The following PCDHGA6 variants were observed in gnomAD, a reference collection of about 807,000 sequenced individuals.
PCDHGA6 encodes protocadherin gamma subfamily A, 6, also known as protocadherin gamma-A6.
PCDHGA6 carries 41 observed loss-of-function variants against 60.6 expected under a neutral mutation model. The observed-to-expected ratio is 0.68, with a 90% confidence interval of 0.53 to 0.88. The LOEUF is 0.88. Ranked by LOEUF, PCDHGA6 falls within the 40% of genes least tolerant of loss-of-function variation. The pLI, the probability that PCDHGA6 is intolerant of heterozygous loss-of-function variation, is 0.00. For missense variants in PCDHGA6, 1,312 were observed against 1,203.0 expected (o/e 1.09, Z -1.34); for synonymous variants, 594 against 524.4 (o/e 1.13, Z -1.81).
At position 141,491,381 on chromosome 5, in the gene PCDHGA6, C is replaced by CT. The variant is rs1554177905; in HGVS notation, c.2425-3426_2425-3425insT. The CT allele has an allele frequency of 2.8e-5, 45 of 1,614,068 alleles. No individual in the cohort carries two copies. Among genetic ancestry groups the CT allele is most frequent in the Non-Finnish European group, 3.5e-5 (41 of 1,179,950 alleles). On this transcript the variant is annotated intron_variant, in intron 1 of 3. Coordinates refer to ENST00000517434, the MANE Select transcript of PCDHGA6 (RefSeq NM_018919.3). This position sits in a 1 kb window ranked among gnomAD's most constrained non-coding sequence, Gnocchi z 6.9. ...CTAGTCACCTTCACCTTTCTGTCAG[C>CT]GAAGTGCCTTCAGGGAAACGCAGAC...
At chr5:141,500,453 C>G (rs1403599390) in intron 2 of PCDHGA6, among the ~76,000 whole-genome samples, 1 of 152,246 alleles carries the variant, frequency 6.6e-6, no homozygotes, top group African/African-American at 2.4e-5. Flanking sequence ...TCGTGATCCG[C>G]CCGCCTCGGC....
intron 2 of PCDHGA6, among the ~76,000 whole-genome samples, chr5:141,499,983 C>T (rs765029745): frequency 5.3e-5 from 8 of 151,352 alleles, no homozygotes; most frequent in African/African-American, 9.7e-5. Context: ...CCACCTTGCC[C>T]GGCCAGATGA....
rs752954707 is a variant in PCDHGA6 at position 141,476,801 on chromosome 5, C to T, written c.2425-18006C>T. The T allele has an allele frequency of 6.2e-7, 1 of 1,613,586 alleles. No individual in the cohort carries two copies. Among genetic ancestry groups the T allele is most frequent in the Non-Finnish European group, 8.5e-7 (1 of 1,180,020 alleles). On this transcript the variant is annotated intron_variant, in intron 1 of 3. Coordinates refer to ENST00000517434, the MANE Select transcript of PCDHGA6 (RefSeq NM_018919.3). This position sits in a 1 kb window ranked among gnomAD's most constrained non-coding sequence, Gnocchi z 7.6. Reference sequence around the variant, plus strand: ...GACCCCAGCTCTCTCCGCCAGCCTGCCTATTCACATCAAGGTGCTGGACGC... The same window carrying T: ...GACCCCAGCTCTCTCCGCCAGCCTGTCTATTCACATCAAGGTGCTGGACGC...
At chr5:141,492,578 G>A (rs1380328678) in intron 1 of PCDHGA6, among the ~76,000 whole-genome samples, 1 of 152,216 alleles carries the variant, frequency 6.6e-6, no homozygotes, top group Non-Finnish European at 1.5e-5. Flanking sequence ...CGAGGCGCGG[G>A]GCCAGGAGCG....
intron 1 of PCDHGA6, among the ~76,000 whole-genome samples, chr5:141,446,453 A>T (rs2098502702): frequency 6.6e-6 from 1 of 151,946 alleles, no homozygotes; most frequent in Non-Finnish European, 1.5e-5. Context: ...GCAGATATTC[A>T]GTGTGTGATT....
chr5:141,444,093 G>A (rs531514787), intron 1 of PCDHGA6, among the ~76,000 whole-genome samples: 1 of 147,730 alleles, frequency 6.8e-6, no homozygotes, highest in East Asian at 2.0e-4. Flanking sequence ...GTCTGCTAAG[G>A]ATTGGAAACC....
At chr5:141,405,054 C>T (rs773491411) in intron 1 of PCDHGA6, 7 of 1,613,806 alleles carry the variant, frequency 4.3e-6, no homozygotes, top group Admixed American at 1.7e-5. Flanking sequence ...GCAGTCGTCT[C>T]CTGTGTCTTC....
At chr5:141,468,160 G>C (rs2099158881) in intron 1 of PCDHGA6, among the ~76,000 whole-genome samples, 1 of 151,468 alleles carries the variant, frequency 6.6e-6, no homozygotes, top group African/African-American at 2.4e-5. Context: ...CCCTGTCTCT[G>C]CTAAAAATAG....
intron 1 of PCDHGA6, chr5:141,395,373 G>C: frequency 8.4e-7 from 1 of 1,189,414 alleles, no homozygotes; most frequent in Non-Finnish European, 1.1e-6. Context: ...TATTTTGGTG[G>C]TGTTACTATA....
At position 141,422,526 on chromosome 5, in the gene PCDHGA6, G is replaced by A. The variant is rs956066609; in HGVS notation, c.2424+46019G>A. 9 of 1,613,866 alleles carry A rather than the reference G, an allele frequency of 5.6e-6. No homozygotes were observed. In the African/African-American group the frequency reaches 1.1e-4, roughly 19 times the overall value. The stretch of plus-strand genomic sequence containing the variant: ...CCACAGACCAGGGAAGCCCGCCTTT[G>A]TCTGCAGAAACTCATGTCTGGCTGA... On this transcript the variant is annotated intron_variant, in intron 1 of 3. Coordinates refer to ENST00000517434, the MANE Select transcript of PCDHGA6 (RefSeq NM_018919.3).
intron 1 of PCDHGA6, among the ~76,000 whole-genome samples, chr5:141,472,992 A>G (rs2099309983): frequency 6.6e-6 from 1 of 151,994 alleles, no homozygotes; most frequent in South Asian, 2.1e-4. Context: ...AAAAAAAAAA[A>G]AAAAAGAAAG....
Position 141,383,013 on chromosome 5 carries a change from G to A in PCDHGA6, c.2424+6506G>A, listed in dbSNP as rs1209966350. Reference sequence around the variant, plus strand: ...GTATTCTCTACTCCGTGTCGGAGGAGACGGACAAAGGGTCCTTTGTGGGAG... The same window carrying A: ...GTATTCTCTACTCCGTGTCGGAGGAAACGGACAAAGGGTCCTTTGTGGGAG... On this transcript the variant is annotated intron_variant, in intron 1 of 3. Coordinates refer to ENST00000517434, the MANE Select transcript of PCDHGA6 (RefSeq NM_018919.3). 6 of 1,613,828 alleles carry A rather than the reference G, an allele frequency of 3.7e-6. No individual in the cohort carries two copies. The East Asian group carries it at 6.7e-5, about 18-fold the overall frequency.
intron 1 of PCDHGA6, chr5:141,383,159 C>G (rs769758778): frequency 2.6e-5 from 42 of 1,613,986 alleles, no homozygotes; most frequent in Non-Finnish European, 3.5e-5. Flanking sequence ...TTGGTCACTG[C>G]GGGCAGGATA....
At chr5:141,398,675 A>C (rs1462726875) in intron 1 of PCDHGA6, 1 of 1,613,974 alleles carries the variant, frequency 6.2e-7, no homozygotes, top group Non-Finnish European at 8.5e-7. Flanking sequence ...TTAATAATTA[A>C]GGAGAAACAG....
At position 141,486,923 on chromosome 5, in the gene PCDHGA6, G is replaced by A. The variant is rs1377159895; in HGVS notation, c.2425-7884G>A. ...ATGTCCCCAAGCACTGCCTCCATCAGTTGGTGCTGGCCACCTAATCACAAA... is the reference window on the plus strand; with the variant it reads ...ATGTCCCCAAGCACTGCCTCCATCAATTGGTGCTGGCCACCTAATCACAAA... On this transcript the variant is annotated intron_variant, in intron 1 of 3. Transcript: ENST00000517434. This position sits in a 1 kb window ranked among gnomAD's most constrained non-coding sequence, Gnocchi z 5.0. 6.2e-7 allele frequency: 1 copy of A among 1,614,252 alleles called. No individual in the cohort carries two copies. Among genetic ancestry groups the A allele is most frequent in the Admixed American group, 1.7e-5 (1 of 60,028 alleles).
intron 1 of PCDHGA6, chr5:141,478,169 G>A (rs2099436111): frequency 1.2e-6 from 2 of 1,613,716 alleles, no homozygotes; most frequent in Admixed American, 1.7e-5. Flanking sequence ...TGCCCCCCGG[G>A]AGCAGAAAAA....
intron 1 of PCDHGA6, among the ~76,000 whole-genome samples, chr5:141,387,508 G>T (rs537615944): frequency 6.7e-4 from 102 of 152,312 alleles, no homozygotes; most frequent in African/African-American, 2.3e-3. Context: ...ATTTTTAGAC[G>T]TCATTAAATA....
intron 2 of PCDHGA6, among the ~76,000 whole-genome samples, chr5:141,496,767 T>C (rs2099771224): frequency 6.6e-6 from 1 of 152,040 alleles, no homozygotes; most frequent in Non-Finnish European, 1.5e-5. Flanking sequence ...ATCGAGCATC[T>C]ACTATGAGCA....
At chr5:141,393,650 C>T in intron 1 of PCDHGA6, 2 of 1,613,904 alleles carry the variant, frequency 1.2e-6, no homozygotes, top group South Asian at 1.1e-5. Flanking sequence ...AAGTGGCATA[C>T]AAATTCCGGA....
Sources: allele counts gnomAD v4.1 joint callset (sites outside exome capture counted in the v4.1 genomes callset), GRCh38; gene constraint gnomAD v4.1.1; non-coding constraint Gnocchi (gnomAD v3.1); transcripts MANE v1.5; gene names NCBI Gene and HGNC (gene_info 2026-07-23, HGNC 2026-07-21).